The following PCDHB7 variants were observed in gnomAD, a reference collection of about 807,000 sequenced individuals.
PCDHB7 encodes protocadherin beta-7.
For synonymous variants in PCDHB7, 542 were observed against 463.1 expected (o/e 1.17, Z -2.19); for missense variants, 1,148 against 1,011.6 (o/e 1.13, Z -1.83).
In PCDHB7 at chr5:141,173,729, T is replaced by C. The variant is rs1554280048; in HGVS notation, c.894T>C (p.Ser298=). 6.2e-7 allele frequency: 1 copy of C among 1,613,932 alleles called. No homozygotes were observed. The highest frequency in any genetic ancestry group is 8.5e-7 in the Non-Finnish European group (1 of 1,179,822). The part of the protein sequence containing the change: ...ILKTFQINPT[S]GSLHLKAQLD... ...AAACGTTTCAAATCAATCCAACATCTGGCAGTCTTCATCTTAAAGCGCAAT... is the reference window on the plus strand; with the variant it reads ...AAACGTTTCAAATCAATCCAACATCCGGCAGTCTTCATCTTAAAGCGCAAT... Residue 298 remains serine, a synonymous_variant, in exon 1 of 1, where the codon TCT becomes TCC. Transcript: ENST00000231137.
rs77776247 is a variant in PCDHB7 at position 141,173,483 on chromosome 5, C to A, written c.648C>A (p.Asp216Glu). The change falls in exon 1 of 1, where the codon GAC (aspartate) becomes GAA (glutamate). Residue 216 changes from aspartate (D) to glutamate (E), a missense_variant. Coordinates refer to ENST00000231137, the MANE Select transcript of PCDHB7 (RefSeq NM_018940.4). ...PEFSLTLTAL[D>E]GGSPPRSGTA... ...TCAGTTTAACCCTCACCGCTTTAGACGGCGGCTCTCCTCCAAGATCAGGGA... is the reference window on the plus strand; with the variant it reads ...TCAGTTTAACCCTCACCGCTTTAGAAGGCGGCTCTCCTCCAAGATCAGGGA... 17 of 1,614,186 alleles carry A rather than the reference C, an allele frequency of 1.1e-5. No homozygotes were observed. The highest frequency in any genetic ancestry group is 1.6e-4 in the Middle Eastern group (1 of 6,062).
Position 141,173,534 on chromosome 5 carries a change from A to G in PCDHB7, c.699A>G (p.Leu233=), listed in dbSNP as rs1268558616. The change falls in exon 1 of 1, where the codon CTA becomes CTG. Residue 233 remains leucine (L), a synonymous_variant. Coordinates refer to ENST00000231137, the MANE Select transcript of PCDHB7 (RefSeq NM_018940.4). ...CCGCCCTCGTGCGCATTCTGGTTCT[A>G]GACGTAAATGACAACGCCCCTGATT... ...SGTALVRILV[L]DVNDNAPDFV... 6.2e-7 allele frequency: 1 copy of G among 1,613,712 alleles called. No homozygotes were observed. The highest frequency in any genetic ancestry group is 1.3e-5 in the African/African-American group (1 of 74,914).
At position 141,173,391 on chromosome 5, in the gene PCDHB7, G is replaced by A. The variant is rs374497968; in HGVS notation, c.556G>A (p.Gly186Arg). The change falls in exon 1 of 1, where the codon GGG (glycine) becomes AGG (arginine). Residue 186 changes from glycine to arginine, a missense_variant. By Grantham distance (125) the Gly-to-Arg change is moderately radical (BLOSUM62 -2). Transcript: ENST00000231137. ...TTTCCATATTAATGTCCATGATAGC[G>A]GGGAGGGGAATATCTATCCCGAATT... is the stretch of plus-strand genomic sequence containing the variant. ...AYFHINVHDSGEGNIYPELVL... is the reference protein window; with the variant it reads ...AYFHINVHDSREGNIYPELVL... The A allele has an allele frequency of 1.2e-6, 2 of 1,614,044 alleles. No homozygotes were observed. Among genetic ancestry groups the A allele is most frequent in the Non-Finnish European group, 1.7e-6 (2 of 1,179,964 alleles).
At position 141,174,024 on chromosome 5, in the gene PCDHB7, G is replaced by C. The variant is rs148510493; in HGVS notation, c.1189G>C (p.Val397Leu). ...TGTCCCCTTCATCCTGAAGCCATCT[G>C]TCGAAAACTTCTATACTCTGGTAAC... Reference protein sequence around the residue: ...DDVPFILKPSVENFYTLVTEK... With the variant: ...DDVPFILKPSLENFYTLVTEK... The change falls in exon 1 of 1, where the codon GTC becomes CTC. Residue 397 changes from valine (V) to leucine (L), a missense_variant. Physicochemically the swap from Val to Leu is conservative, Grantham distance 32 (BLOSUM62 1). Coordinates refer to ENST00000231137, the MANE Select transcript of PCDHB7 (RefSeq NM_018940.4). 11 of 1,614,182 alleles carry C rather than the reference G, an allele frequency of 6.8e-6. No homozygotes were observed. Among genetic ancestry groups the C allele is most frequent in the Non-Finnish European group, 9.3e-6 (11 of 1,180,028 alleles).
In PCDHB7 at chr5:141,174,174, A is replaced by T. The variant is rs781847542; in HGVS notation, c.1339A>T (p.Asn447Tyr). ...ITVLVSDVND[N>Y]APAFTQTSYT... is the part of the protein sequence containing the mutation. ...CGTGCTGGTCTCCGACGTCAATGAC[A>T]ACGCTCCCGCCTTCACCCAAACCTC... Residue 447 changes from asparagine to tyrosine, a missense_variant, in exon 1 of 1, where the codon AAC (asparagine) becomes TAC (tyrosine). Asn to Tyr is a moderately radical substitution (Grantham distance 143). Coordinates refer to ENST00000231137, the MANE Select transcript of PCDHB7 (RefSeq NM_018940.4). 3.3e-5 allele frequency: 54 copies of T among 1,613,648 alleles called. No homozygotes were observed. The highest frequency in any genetic ancestry group is 4.5e-5 in the Non-Finnish European group (53 of 1,180,036).
rs782351245 is a variant in PCDHB7, at chr5:141,175,173, G to A, written c.2338G>A (p.Glu780Lys). 1.9e-6 allele frequency: 3 copies of A among 1,610,948 alleles called. No homozygotes were observed. The highest frequency in any genetic ancestry group is 3.4e-5 in the Admixed American group (2 of 59,278). ...CCTGCTACCCCAGAGCACAGGCAGG[G>A]AAGTGGAAGAAAATCGCCCATTTCA... ...PNLLPQSTGREVEENRPFQNN... is the reference protein window; with the variant it reads ...PNLLPQSTGRKVEENRPFQNN... Residue 780 changes from glutamate (E) to lysine (K), a missense_variant, in exon 1 of 1, where the codon GAA becomes AAA. Physicochemically the swap from Glu to Lys is moderately conservative, Grantham distance 56. Transcript: ENST00000231137.
rs1486753835 is a variant in PCDHB7, at chr5:141,174,560, G to T, written c.1725G>T (p.Pro575=). The change falls in exon 1 of 1, where the codon CCG becomes CCT. Residue 575 remains proline (P), a synonymous_variant. Transcript: ENST00000231137. ...LQNSSAPCTE[P]LPRAAEPGYL... Reference sequence around the variant, plus strand: ...ACAGCTCCGCGCCCTGCACCGAGCCGTTGCCCCGGGCGGCCGAGCCGGGCT... The same window carrying T: ...ACAGCTCCGCGCCCTGCACCGAGCCTTTGCCCCGGGCGGCCGAGCCGGGCT... The T allele has an allele frequency of 6.8e-6, 11 of 1,610,006 alleles. No homozygotes were observed. In the African/African-American group the frequency reaches 8.0e-5, roughly 12 times the overall value.
Position 141,174,879 on chromosome 5 carries a change from A to G in PCDHB7, c.2044A>G (p.Asn682Asp), listed in dbSNP as rs782414303. Reference protein sequence around the residue: ...RLPEAAPDQANSLTVYLVVAL... With the variant: ...RLPEAAPDQADSLTVYLVVAL... ...CCCGGAGGCGGCCCCGGACCAGGCC[A>G]ACTCGCTCACCGTCTACCTGGTGGT... The change falls in exon 1 of 1, where the codon AAC (asparagine) becomes GAC (aspartate). Residue 682 changes from asparagine (N) to aspartate (D), a missense_variant. Transcript: ENST00000231137. The G allele has an allele frequency of 3.7e-5, 59 of 1,610,880 alleles. No individual in the cohort carries two copies. Among genetic ancestry groups the G allele is most frequent in the Middle Eastern group, 1.9e-4 (1 of 5,324 alleles).
rs377079880 is a variant in PCDHB7 at position 141,174,414 on chromosome 5, T to C, written c.1579T>C (p.Phe527Leu). The C allele has an allele frequency of 8.1e-6, 13 of 1,612,112 alleles. No homozygotes were observed. The highest frequency in any genetic ancestry group is 1.7e-5 in the Admixed American group (1 of 59,886). Residue 527 changes from phenylalanine (F) to leucine (L), a missense_variant, in exon 1 of 1, where the codon TTC (phenylalanine) becomes CTC (leucine). Physicochemically the swap from Phe to Leu is conservative, Grantham distance 22. Coordinates refer to ENST00000231137, the MANE Select transcript of PCDHB7 (RefSeq NM_018940.4). ...CCTGGACTACGAGGCCCTGCAGGCG[T>C]TCGAGTTCCGCGTGGGCGCCACAGA... ...RSLDYEALQA[F>L]EFRVGATDRG...
At position 141,173,469 on chromosome 5, in the gene PCDHB7, C is replaced by G. The variant is rs782193291; in HGVS notation, c.634C>G (p.Leu212Val). 1.2e-6 allele frequency: 2 copies of G among 1,614,056 alleles called. No homozygotes were observed. The highest frequency in any genetic ancestry group is 2.2e-5 in the East Asian group (1 of 44,884). Residue 212 changes from leucine to valine, a missense_variant, in exon 1 of 1, where the codon CTC (leucine) becomes GTC (valine). Leu to Val is a conservative substitution (Grantham distance 32, BLOSUM62 1). Coordinates refer to ENST00000231137, the MANE Select transcript of PCDHB7 (RefSeq NM_018940.4). Reference protein sequence around the residue: ...REEIPEFSLTLTALDGGSPPR... With the variant: ...REEIPEFSLTVTALDGGSPPR... ...AGAGATACCAGAGTTCAGTTTAACC[C>G]TCACCGCTTTAGACGGCGGCTCTCC...
In PCDHB7 at chr5:141,174,878, C is replaced by A. The variant is rs782303923; in HGVS notation, c.2043C>A (p.Ala681=). The change falls in exon 1 of 1, where the codon GCC becomes GCA. Residue 681 remains alanine, a synonymous_variant. Transcript: ENST00000231137. ...TCCCGGAGGCGGCCCCGGACCAGGC[C>A]AACTCGCTCACCGTCTACCTGGTGG... ...LRLPEAAPDQ[A]NSLTVYLVVA... is the part of the protein sequence containing the mutation. 1 of 1,611,236 alleles carries A rather than the reference C, an allele frequency of 6.2e-7. No homozygotes were observed. Among genetic ancestry groups the A allele is most frequent in the Non-Finnish European group, 8.5e-7 (1 of 1,178,698 alleles).
In PCDHB7 at chr5:141,174,324, CACCT is replaced by C. The variant is rs1430252805; in HGVS notation, c.1490_1493del (p.His497ArgfsTer44). 4.3e-6 allele frequency: 7 copies of C among 1,612,860 alleles called. No homozygotes were observed. Among genetic ancestry groups the C allele is most frequent in the Non-Finnish European group, 5.9e-6 (7 of 1,179,930 alleles). On this transcript the variant is annotated frameshift_variant, in exon 1 of 1. Coordinates refer to ENST00000231137, the MANE Select transcript of PCDHB7 (RefSeq NM_018940.4). LOFTEE classifies it low-confidence loss of function (END_TRUNC). ...CTCCCTGCTGCCGTCCCAGGACCCGCACCTGCCCCTCGCCTCCCTGGTCTCCATC... is the reference window on the plus strand; with the variant it reads ...CTCCCTGCTGCCGTCCCAGGACCCGCGCCCCTCGCCTCCCTGGTCTCCATC...
In PCDHB7 at chr5:141,173,630, A is replaced by C. The variant is rs782044914; in HGVS notation, c.795A>C (p.Ser265=). 6.2e-7 allele frequency: 1 copy of C among 1,614,184 alleles called. No individual in the cohort carries two copies. Among genetic ancestry groups the C allele is most frequent in the South Asian group, 1.1e-5 (1 of 91,082 alleles). Residue 265 remains serine (S), a synonymous_variant, in exon 1 of 1, where the codon TCA becomes TCC. Transcript: ENST00000231137. The part of the protein sequence containing the change: ...SPVGSMVVSV[S]ARDLDTGSNG... ...TTGGTTCCATGGTTGTCTCCGTGTCAGCCAGAGATTTAGATACCGGAAGTA... is the reference window on the plus strand; with the variant it reads ...TTGGTTCCATGGTTGTCTCCGTGTCCGCCAGAGATTTAGATACCGGAAGTA...
Position 141,176,076 on chromosome 5 carries a change from G to A in PCDHB7, c.*859G>A, listed in dbSNP as rs1753375187. The A allele has an allele frequency of 6.0e-6, 1 of 167,274 alleles. No homozygotes were observed. The allele number at this position is 167,274 out of a possible 1,614,324, so 10.4% of individuals were successfully genotyped here. Reference sequence around the variant, plus strand: ...GCCTTCTCCTTTCTTCAGAACATATGACTTTCATTTCCCAGAAAAAAGATT... The same window carrying A: ...GCCTTCTCCTTTCTTCAGAACATATAACTTTCATTTCCCAGAAAAAAGATT... On this transcript the variant is annotated 3_prime_UTR_variant, in exon 1 of 1. Transcript: ENST00000231137.
chr5:141,172,746 C>T lies in PCDHB7; in HGVS notation c.-90C>T, dbSNP rs1463499017. On this transcript the variant is annotated 5_prime_UTR_variant, in exon 1 of 1. Coordinates refer to ENST00000231137, the MANE Select transcript of PCDHB7 (RefSeq NM_018940.4). ...CTTCCCCACAAACATTGCTATTATT[C>T]AGCTCATTTCAAAGGATTCCGCTGC... The T allele has an allele frequency of 3.0e-6, 3 of 1,014,136 alleles. No homozygotes were observed. Among genetic ancestry groups the T allele is most frequent in the Non-Finnish European group, 4.5e-6 (3 of 672,094 alleles). 62.8% of individuals were successfully genotyped at this position (1,014,136 alleles called of 1,614,324 possible). A position where few individuals can be genotyped will look rare whatever the true frequency, so the allele number is the denominator to read the frequency against.
In PCDHB7 at chr5:141,174,381, C is replaced by G; in HGVS notation, c.1546C>G (p.Leu516Val). 6.2e-7 allele frequency: 1 copy of G among 1,612,668 alleles called. No homozygotes were observed. Among genetic ancestry groups the G allele is most frequent in the Non-Finnish European group, 8.5e-7 (1 of 1,179,860 alleles). ...CGCGGACAACGGCCACCTGTTTGCC[C>G]TCAGGTCCCTGGACTACGAGGCCCT... ...INADNGHLFA[L>V]RSLDYEALQA... Residue 516 changes from leucine to valine, a missense_variant, in exon 1 of 1, where the codon CTC (leucine) becomes GTC (valine). Coordinates refer to ENST00000231137, the MANE Select transcript of PCDHB7 (RefSeq NM_018940.4).
chr5:141,174,622 C>A lies in PCDHB7; in HGVS notation c.1787C>A (p.Ser596Ter), dbSNP rs572525831. The stretch of plus-strand genomic sequence containing the variant: ...AAGGTGGTGGCGGTGGACGGCGACT[C>A]GGGCCAGAACGCCTGGCTGTCGTAC... Reference protein sequence around the residue: ...VTKVVAVDGDSGQNAWLSYQL... With the variant: ...VTKVVAVDGD Residue 596 changes from serine (S) to a stop codon, truncating the protein, a stop_gained, in exon 1 of 1, where the codon TCG (serine) becomes TAG (stop). Transcript: ENST00000231137. LOFTEE classifies it low-confidence loss of function (END_TRUNC). 24 of 1,610,156 alleles carry A rather than the reference C, an allele frequency of 1.5e-5. No individual in the cohort carries two copies. In the East Asian group the frequency reaches 4.9e-4, roughly 33 times the overall value.
Position 141,175,361 on chromosome 5 carries a change from T to A in PCDHB7, c.*144T>A. ...ATAAATTTCTATACATAAAATAGGA[T>A]CCTGATTTAGTATCAAGAACCCTTC... On this transcript the variant is annotated 3_prime_UTR_variant, in exon 1 of 1. Coordinates refer to ENST00000231137, the MANE Select transcript of PCDHB7 (RefSeq NM_018940.4). 1.0e-6 allele frequency: 1 copy of A among 970,578 alleles called. No homozygotes were observed. Among genetic ancestry groups the A allele is most frequent in the Non-Finnish European group, 1.5e-6 (1 of 668,690 alleles). 60.1% of individuals were successfully genotyped at this position (970,578 alleles called of 1,614,324 possible).
Position 141,175,170 on chromosome 5 carries a change from A to G in PCDHB7, c.2335A>G (p.Arg779Gly). Residue 779 changes from arginine (R) to glycine (G), a missense_variant, in exon 1 of 1, where the codon AGG becomes GGG. Transcript: ENST00000231137. Reference protein sequence around the residue: ...IPNLLPQSTGREVEENRPFQN... With the variant: ...IPNLLPQSTGGEVEENRPFQN... ...CAACCTGCTACCCCAGAGCACAGGC[A>G]GGGAAGTGGAAGAAAATCGCCCATT... 2 of 1,611,438 alleles carry G rather than the reference A, an allele frequency of 1.2e-6. No homozygotes were observed. Among genetic ancestry groups the G allele is most frequent in the Non-Finnish European group, 1.7e-6 (2 of 1,178,890 alleles).
Sources: gnomAD v4.1 joint callset for allele counts on GRCh38, gnomAD v4.1.1 for gene constraint, MANE v1.5 for transcripts, NCBI Gene and HGNC (gene_info 2026-07-23, HGNC 2026-07-21) for gene names.